MYO16: variants seen among roughly 807,000 people sequenced by gnomAD.
MYO16 encodes the protein myosin XVI.
In MYO16, 94 loss-of-function variants were observed where a neutral mutation model predicts 205.3. The observed-to-expected ratio is 0.46, with a 90% CI of 0.39 to 0.54. MYO16 has a LOEUF of 0.54. MYO16 is among the 20% of genes least tolerant of loss of function. The pLI is 0.00. For missense variants in MYO16, 2,315 were observed against 2,387.5 expected (o/e 0.97, Z 0.63); for synonymous variants, 988 against 954.0 (o/e 1.04, Z -0.66).
At chr13:108,790,548 C>T (rs1367509720) in intron 5 of MYO16, among the ~76,000 whole-genome samples, 9 of 152,032 alleles carry the variant, frequency 5.9e-5, no homozygotes, top group African/African-American at 1.4e-4. Context: ...ACCCATTATC[C>T]GTTACAACGT....
chr13:108,673,058 A>C (rs1030064504), intron 2 of MYO16, among the ~76,000 whole-genome samples: 16 of 152,152 alleles, frequency 1.1e-4, no homozygotes, highest in Non-Finnish European at 2.1e-4. Context: ...TAGGTCATGC[A>C]CCCCACTTGG....
At chr13:108,779,314 A>G (rs1023273391) in intron 4 of MYO16, among the ~76,000 whole-genome samples, 3 of 152,236 alleles carry the variant, frequency 2.0e-5, no homozygotes, top group Non-Finnish European at 4.4e-5. Flanking sequence ...TCATTTGAAA[A>G]AGAAAGATTG....
intron 23 of MYO16, among the ~76,000 whole-genome samples, chr13:109,041,950 C>T (rs1356039807): frequency 6.6e-6 from 1 of 151,740 alleles, no homozygotes; most frequent in Non-Finnish European, 1.5e-5. Context: ...CTGCAATCTC[C>T]ACCTCCTGGG....
At chr13:108,796,925 AAAATT>A (rs1886811007) in intron 6 of MYO16, among the ~76,000 whole-genome samples, 2 of 53,784 alleles carry the variant, frequency 3.7e-5, no homozygotes, top group African/African-American at 8.3e-5. Context: ...ATAATTTAAA[AAAATT>A]AAAATTAAAA....
At position 109,052,369 on chromosome 13, in the gene MYO16, C is replaced by G; in HGVS notation, c.2942C>G (p.Ala981Gly). Residue 981 changes from alanine to glycine, a missense_variant, in exon 25 of 35, where the codon GCC becomes GGC. Around this residue, in one of 3 missense-constraint regions of MYO16, gnomAD observed 1,213 missense variants for 1,274.4 expected, o/e 0.95. Coordinates refer to ENST00000457511, the MANE Select transcript of MYO16 (RefSeq NM_001198950.3). ...KLSQTGSLVSAYPSFKFRGHK... is the reference protein window; with the variant it reads ...KLSQTGSLVSGYPSFKFRGHK... ...TCACAAACAGGATCCCTCGTATCTG[C>G]CTATCCTTCCTTTAAATTCCGAGGA... is the stretch of plus-strand genomic sequence containing the variant. 1 of 1,612,606 alleles carries G rather than the reference C, an allele frequency of 6.2e-7. No individual in the cohort carries two copies. The highest frequency in any genetic ancestry group is 1.7e-5 in the Admixed American group (1 of 59,926).
chr13:108,862,079 A>T (rs1289296818), intron 11 of MYO16, among the ~76,000 whole-genome samples: 2 of 152,162 alleles, frequency 1.3e-5, no homozygotes, highest in Non-Finnish European at 2.9e-5. Context: ...GGTGCTGATC[A>T]TAATCCTGAA....
At chr13:108,659,432 C>T (rs4268614) in intron 1 of MYO16, 25,726 of 386,984 alleles carry the variant, frequency 0.066, 1,298 homozygotes, top group South Asian at 0.14. Context: ...GGTACGCACT[C>T]GCTGAGCAGG....
intron 16 of MYO16, among the ~76,000 whole-genome samples, chr13:108,933,861 C>T (rs1882368213): frequency 6.6e-6 from 1 of 152,058 alleles, no homozygotes; most frequent in Non-Finnish European, 1.5e-5. Flanking sequence ...ATTTGCTTTT[C>T]TGTTTCTGAC....
chr13:108,730,622 T>G (rs1176367410), intron 4 of MYO16, among the ~76,000 whole-genome samples: 2 of 152,186 alleles, frequency 1.3e-5, no homozygotes, highest in Non-Finnish European at 2.9e-5. Context: ...TTCCTATGAC[T>G]CCTTGTGTAA....
At chr13:108,499,568 G>T in the MYO16 span, among the ~76,000 whole-genome samples, 8 of 152,140 alleles carry the variant, frequency 5.3e-5, no homozygotes, top group Non-Finnish European at 1.2e-4. Flanking sequence ...ATAGGAATCT[G>T]CAAAGATTTT....
chr13:108,868,506 A>G (rs572304160), intron 12 of MYO16, among the ~76,000 whole-genome samples: 2 of 152,206 alleles, frequency 1.3e-5, no homozygotes, highest in African/African-American at 4.8e-5. Flanking sequence ...TTTTTTATTG[A>G]CTTGAAAGAT....
the MYO16 span, among the ~76,000 whole-genome samples, chr13:108,567,470 T>C: frequency 6.6e-6 from 1 of 152,064 alleles, no homozygotes; most frequent in African/African-American, 2.4e-5. Context: ...CAACAGACAG[T>C]TGAAAACATG....
chr13:109,087,921 G>C (rs759499202), intron 27 of MYO16, among the ~76,000 whole-genome samples: 1 of 152,164 alleles, frequency 6.6e-6, no homozygotes, highest in Non-Finnish European at 1.5e-5. Context: ...ATGAACATCT[G>C]TTCTTTTCAG....
At chr13:109,020,734 T>C (rs1199254027) in intron 23 of MYO16, among the ~76,000 whole-genome samples, 4 of 152,192 alleles carry the variant, frequency 2.6e-5, no homozygotes, top group East Asian at 1.9e-4. Context: ...CTCCTACTCT[T>C]AACTCCTTTG....
chr13:108,781,850 G>C (rs1288284345), intron 4 of MYO16, among the ~76,000 whole-genome samples: 1 of 151,874 alleles, frequency 6.6e-6, no homozygotes, highest in Non-Finnish European at 1.5e-5. Flanking sequence ...TTCCCTTTTT[G>C]CTTCATCCTC....
At chr13:109,011,517 ATTTG>A (rs1203988236) in intron 22 of MYO16, among the ~76,000 whole-genome samples, 3 of 66,926 alleles carry the variant, frequency 4.5e-5, no homozygotes, top group South Asian at 4.6e-4. Context: ...TTTTGTTGTT[ATTTG>A]TTTGTTTGTT....
the MYO16 span, among the ~76,000 whole-genome samples, chr13:108,560,506 T>A: frequency 6.6e-6 from 1 of 152,226 alleles, no homozygotes; most frequent in African/African-American, 2.4e-5. Context: ...ACTTGAAAAT[T>A]AAGTGTACTA....
intron 23 of MYO16, among the ~76,000 whole-genome samples, chr13:109,025,929 T>G (rs1886347796): frequency 6.6e-6 from 1 of 152,242 alleles, no homozygotes; most frequent in Non-Finnish European, 1.5e-5. Flanking sequence ...CCTACCTATA[T>G]GAGCCTTGTT....
At position 108,992,326 on chromosome 13, in the gene MYO16, G is replaced by A. The variant is rs762508693; in HGVS notation, c.2370-50G>A. ...ACCTGAATAATGAAAAGAGGGTCAT[G>A]AAGGAGTTTTAAGGATGCCCATTTA... On this transcript the variant is annotated intron_variant, in intron 20 of 34. Coordinates refer to ENST00000457511, the MANE Select transcript of MYO16 (RefSeq NM_001198950.3). 3.8e-5 allele frequency: 51 copies of A among 1,337,172 alleles called. No individual in the cohort carries two copies. In the African/African-American group the frequency reaches 6.6e-4, roughly 17 times the overall value. 82.8% of individuals were successfully genotyped at this position (1,337,172 alleles called of 1,614,324 possible).
Sources: allele counts gnomAD v4.1 joint callset (sites outside exome capture counted in the v4.1 genomes callset), GRCh38; gene constraint gnomAD v4.1.1; regional missense constraint gnomAD v4.1.1; transcripts MANE v1.5; gene names NCBI Gene and HGNC (gene_info 2026-07-23, HGNC 2026-07-21).